The following RORB variants were observed in gnomAD, a reference collection of about 807,000 sequenced individuals.
The protein encoded by RORB is RAR related orphan receptor B.
RORB carries 6 observed loss-of-function variants against 59.1 expected under a neutral mutation model. The observed-to-expected ratio is 0.10, with a 90% CI of 0.06 to 0.20. The LOEUF (loss-of-function observed/expected upper bound fraction) is 0.20. RORB is among the 10% of genes least tolerant of loss of function. RORB has a pLI of 1.00. For missense variants in RORB, 320 were observed against 560.5 expected (o/e 0.57, Z 4.33); for synonymous variants, 215 against 204.5 (o/e 1.05, Z -0.44).
chr9:74,626,363 T>C (rs1823516084), intron 1 of RORB, among the ~76,000 whole-genome samples: 2 of 152,202 alleles, frequency 1.3e-5, no homozygotes, highest in Non-Finnish European at 2.9e-5. Context: ...TCAAAAAAGA[T>C]AAAATTATAT....
intron 1 of RORB, among the ~76,000 whole-genome samples, chr9:74,617,771 C>A (rs1285848678): frequency 6.6e-6 from 1 of 152,130 alleles, no homozygotes; most frequent in Non-Finnish European, 1.5e-5. Context: ...GCTCCTGAAG[C>A]AATTTCTGGT....
At chr9:74,529,971 C>CA (rs1399503565) in intron 1 of RORB, among the ~76,000 whole-genome samples, 4 of 151,392 alleles carry the variant, frequency 2.6e-5, no homozygotes, top group Non-Finnish European at 5.9e-5. Context: ...ACAGCTATGT[C>CA]AAAAAAAAGT....
intron 1 of RORB, among the ~76,000 whole-genome samples, chr9:74,554,330 C>A (rs974188731): frequency 1.3e-5 from 2 of 152,146 alleles, no homozygotes; most frequent in Non-Finnish European, 2.9e-5. Flanking sequence ...ACCTGAGAAG[C>A]CCAGGTTAGG....
chr9:74,569,174 A>G (rs1822513802), intron 1 of RORB, among the ~76,000 whole-genome samples: 1 of 152,112 alleles, frequency 6.6e-6, no homozygotes, highest in Non-Finnish European at 1.5e-5. Flanking sequence ...TGGAATTGTT[A>G]TTATTGTTAT....
intron 3 of RORB, among the ~76,000 whole-genome samples, chr9:74,641,457 C>T (rs953287577): frequency 5.3e-5 from 8 of 152,122 alleles, no homozygotes; most frequent in Non-Finnish European, 1.2e-4. Context: ...GTTTTGGTCA[C>T]TTGCTAGGCA....
chr9:74,553,268 C>T (rs79455688), intron 1 of RORB, among the ~76,000 whole-genome samples: 4,922 of 152,184 alleles, frequency 0.032, 116 homozygotes, highest in Non-Finnish European at 0.051. Flanking sequence ...ACATAGTTTG[C>T]CTCTTTTTTC....
rs546853732 is a variant in RORB at position 74,550,760 on chromosome 9, A to G, written c.7+52777A>G. On this transcript the variant is annotated intron_variant, in intron 1 of 9. Transcript: ENST00000376896. ...CTAAAGGGCAGCCCAAAGAATAAAT[A>G]TCTGCTGGGCATTATCTCTTCTATG... is the stretch of plus-strand genomic sequence containing the variant. Among the ~76,000 whole-genome samples, 7 of 152,340 alleles carry G rather than the reference A, an allele frequency of 4.6e-5. No individual in the cohort carries two copies. In the South Asian group the frequency reaches 1.4e-3, roughly 32 times the overall value.
At chr9:74,655,475 C>T (rs947271054) in intron 4 of RORB, among the ~76,000 whole-genome samples, 18 of 152,184 alleles carry the variant, frequency 1.2e-4, no homozygotes, top group African/African-American at 2.2e-4. Flanking sequence ...GTTAGGGTAA[C>T]GGATGAAGGA....
At chr9:74,563,992 G>T (rs1260255250) in intron 1 of RORB, among the ~76,000 whole-genome samples, 1 of 152,306 alleles carries the variant, frequency 6.6e-6, no homozygotes, top group East Asian at 1.9e-4. Context: ...TGCAGCTGTA[G>T]GCAAATGGAG....
At chr9:74,624,533 A>G (rs1823478447) in intron 1 of RORB, among the ~76,000 whole-genome samples, 1 of 152,210 alleles carries the variant, frequency 6.6e-6, no homozygotes, top group Non-Finnish European at 1.5e-5. Flanking sequence ...CCAAGATCCT[A>G]TCCCATCCCA....
In RORB at chr9:74,498,001, C is replaced by T; in HGVS notation, c.7+18C>T. 6.2e-7 allele frequency: 1 copy of T among 1,608,690 alleles called. No individual in the cohort carries two copies. The highest frequency in any genetic ancestry group is 8.5e-7 in the Non-Finnish European group (1 of 1,179,184). ...CATGCGAGGTAAGCGAGTCTGCGGG[C>T]ACCGAGGCTCCCCGAGTCCGGCCAA... On this transcript the variant is annotated intron_variant, in intron 1 of 9. Coordinates refer to ENST00000376896, the MANE Select transcript of RORB (RefSeq NM_006914.4).
intron 1 of RORB, among the ~76,000 whole-genome samples, chr9:74,523,189 A>G (rs933872419): frequency 5.3e-5 from 8 of 151,222 alleles, no homozygotes; most frequent in African/African-American, 9.7e-5. Context: ...CAGTTTTTCC[A>G]TTATCTCATA....
chr9:74,541,647 G>A (rs1270733101), intron 1 of RORB, among the ~76,000 whole-genome samples: 47 of 152,194 alleles, frequency 3.1e-4, no homozygotes, highest in Admixed American at 3.1e-3. Flanking sequence ...TTTAAACTGT[G>A]AGAGATTTGC....
chr9:74,569,809 T>C (rs1434932300), intron 1 of RORB, among the ~76,000 whole-genome samples: 1 of 152,116 alleles, frequency 6.6e-6, no homozygotes, highest in Non-Finnish European at 1.5e-5. Flanking sequence ...TCTCTTTCTT[T>C]GACTGTATAT....
At chr9:74,565,905 T>G (rs1822462210) in intron 1 of RORB, among the ~76,000 whole-genome samples, 1 of 152,194 alleles carries the variant, frequency 6.6e-6, no homozygotes, top group Non-Finnish European at 1.5e-5. Context: ...ACTTCCCTGA[T>G]TAATGACAAG....
chr9:74,566,176 A>G (rs890215981), intron 1 of RORB, among the ~76,000 whole-genome samples: 1 of 152,112 alleles, frequency 6.6e-6, no homozygotes, highest in Non-Finnish European at 1.5e-5. Flanking sequence ...AAAATCCAAG[A>G]CCAGGGAAAT....
At chr9:74,619,200 A>G (rs1587388317) in intron 1 of RORB, among the ~76,000 whole-genome samples, 2 of 151,998 alleles carry the variant, frequency 1.3e-5, no homozygotes, top group African/African-American at 2.4e-5. Flanking sequence ...GCCCTTTCCC[A>G]TTGCTATTTA....
intron 9 of RORB, among the ~76,000 whole-genome samples, chr9:74,680,933 C>T (rs1234355137): frequency 6.6e-6 from 1 of 152,014 alleles, no homozygotes; most frequent in Non-Finnish European, 1.5e-5. Flanking sequence ...CATAAAACCG[C>T]CCACCGGAGA....
chr9:74,541,126 T>A (rs1431872190), intron 1 of RORB, among the ~76,000 whole-genome samples: 1 of 151,158 alleles, frequency 6.6e-6, no homozygotes, highest in Non-Finnish European at 1.5e-5. Context: ...ACTAAAAATA[T>A]AAAAGTAGCC....
Sources: allele counts gnomAD v4.1 joint callset (sites outside exome capture counted in the v4.1 genomes callset), GRCh38; gene constraint gnomAD v4.1.1; transcripts MANE v1.5; gene names NCBI Gene and HGNC (gene_info 2026-07-23, HGNC 2026-07-21).